The following NHS variants were observed in gnomAD, a reference collection of about 807,000 sequenced individuals.
NHS encodes the protein NHS actin remodeling regulator, also known as actin remodeling regulator NHS.
In NHS, 5 loss-of-function variants were observed where a neutral mutation model predicts 72.5. That is an observed-to-expected ratio of 0.07 (90% CI 0.04 to 0.14). The LOEUF is 0.14. NHS is among the 10% of genes least tolerant of loss of function. The probability of loss-of-function intolerance (pLI) is 1.00; values close to 1 mark genes in which losing one functional copy is unlikely to be tolerated. For synonymous variants in NHS, 464 were observed against 547.7 expected (o/e 0.85, Z 2.13); for missense variants, 1,072 against 1,355.7 (o/e 0.79, Z 3.29).
intron 1 of NHS, among the ~76,000 whole-genome samples, chrX:17,682,655 AC>A (rs756343934): frequency 1.8e-5 from 2 of 111,029 alleles, no homozygotes; most frequent in Non-Finnish European, 3.8e-5. Flanking sequence ...CTCAGCTGTC[AC>A]CTCCCCCTTC....
intron 3 of NHS, among the ~76,000 whole-genome samples, chrX:17,717,813 A>G (rs1265286122): frequency 8.9e-6 from 1 of 111,804 alleles, no homozygotes; most frequent in Non-Finnish European, 1.9e-5. Context: ...GAAAGAAGTA[A>G]ATTTTGAGCA....
intron 1 of NHS, among the ~76,000 whole-genome samples, chrX:17,519,273 T>A (rs965235360): frequency 8.9e-6 from 1 of 112,025 alleles, no homozygotes; most frequent in Non-Finnish European, 1.9e-5. Flanking sequence ...TTCCTTGACA[T>A]CTCGAGACCT....
chrX:17,527,343 G>C (rs907546308), intron 1 of NHS, among the ~76,000 whole-genome samples: 1 of 113,276 alleles, frequency 8.8e-6, no homozygotes, highest in African/African-American at 3.2e-5. Context: ...AGTGAAAAAG[G>C]CAGAGAGGGC....
chrX:17,566,612 G>A (rs66502455), intron 1 of NHS, among the ~76,000 whole-genome samples: 50,617 of 110,039 alleles, frequency 0.46, 9,467 homozygotes, highest in East Asian at 0.76. Context: ...GAGAGACCTT[G>A]GAATTCATTG....
intron 1 of NHS, among the ~76,000 whole-genome samples, chrX:17,588,298 G>A (rs1351193107): frequency 1.8e-5 from 2 of 111,577 alleles, no homozygotes; most frequent in Non-Finnish European, 3.8e-5. Flanking sequence ...TTGGGGAGAG[G>A]GTGCCTGGAA....
Position 17,728,101 on chromosome X carries a change from G to A in NHS, c.3995G>A (p.Arg1332Lys), listed in dbSNP as rs1285487790. 1.1e-5 allele frequency: 13 copies of A among 1,209,995 alleles called. No individual in the cohort carries two copies. Among genetic ancestry groups the A allele is most frequent in the Non-Finnish European group, 1.5e-5 (13 of 895,266 alleles). ...VITSQSDSPT[R>K]ATDVSNQFKH... Reference sequence around the variant, plus strand: ...ACATCTCAGTCAGACTCACCAACTAGAGCAACAGATGTAAGCAATCAATTT... The same window carrying A: ...ACATCTCAGTCAGACTCACCAACTAAAGCAACAGATGTAAGCAATCAATTT... The change falls in exon 7 of 9, where the codon AGA (arginine) becomes AAA (lysine). Residue 1332 changes from arginine to lysine, a missense_variant. By Grantham distance (26) the Arg-to-Lys change is conservative. Coordinates refer to ENST00000676302, the MANE Select transcript of NHS (RefSeq NM_001291867.2).
intron 1 of NHS, among the ~76,000 whole-genome samples, chrX:17,486,589 C>G (rs1339548094): frequency 9.0e-6 from 1 of 111,613 alleles, no homozygotes; most frequent in African/African-American, 3.3e-5. Flanking sequence ...ACAAGCCCCA[C>G]AGAACAAGCA....
chrX:17,604,733 G>A (rs2065670570), intron 1 of NHS, among the ~76,000 whole-genome samples: 1 of 112,374 alleles, frequency 8.9e-6, no homozygotes, highest in South Asian at 3.7e-4. Context: ...ATGCATGCAT[G>A]CATGAATGAA....
At chrX:17,682,655 A>G (rs2066136766) in intron 1 of NHS, among the ~76,000 whole-genome samples, 1 of 111,028 alleles carries the variant, frequency 9.0e-6, no homozygotes, top group Non-Finnish European at 1.9e-5. Context: ...CTCAGCTGTC[A>G]CCTCCCCCTT....
At chrX:17,716,560 G>A (rs1204430035) in intron 3 of NHS, among the ~76,000 whole-genome samples, 1 of 111,228 alleles carries the variant, frequency 9.0e-6, no homozygotes, top group Non-Finnish European at 1.9e-5. Context: ...AACCAGGTTA[G>A]TGTCTGAACT....
At chrX:17,490,218 G>A (rs2064984454) in intron 1 of NHS, among the ~76,000 whole-genome samples, 1 of 112,087 alleles carries the variant, frequency 8.9e-6, no homozygotes. Flanking sequence ...GTCCTGAATG[G>A]TATTGCCTAG....
chrX:17,616,807 T>C (rs1317259948), intron 1 of NHS, among the ~76,000 whole-genome samples: 1 of 112,677 alleles, frequency 8.9e-6, no homozygotes, highest in East Asian at 2.8e-4. Flanking sequence ...TTTGAATTAA[T>C]TAAAATTAAA....
intron 1 of NHS, among the ~76,000 whole-genome samples, chrX:17,378,137 G>T (rs1415303275): frequency 2.7e-5 from 3 of 110,179 alleles, no homozygotes; most frequent in Non-Finnish European, 3.8e-5. Context: ...CTCACTGCCA[G>T]AGCAGAATGT....
intron 1 of NHS, among the ~76,000 whole-genome samples, chrX:17,678,852 G>A (rs1023763791): frequency 9.0e-6 from 1 of 111,057 alleles, no homozygotes; most frequent in Admixed American, 9.5e-5. Context: ...AGCACTTGGA[G>A]TGACAGGGAT....
Position 17,731,943 on chromosome X carries a change from A to G in NHS, c.4435A>G (p.Ser1479Gly), listed in dbSNP as rs145346113. 2.5e-6 allele frequency: 3 copies of G among 1,209,946 alleles called. No individual in the cohort carries two copies. Among genetic ancestry groups the G allele is most frequent in the Non-Finnish European group, 2.2e-6 (2 of 895,258 alleles). The part of the protein sequence containing the change: ...KSRAPLSSSS[S>G]SASSITSPSS... The stretch of plus-strand genomic sequence containing the variant: ...GAGAGCTCCCCTCAGCAGTAGCAGC[A>G]GCAGCGCCAGTTCCATCACTTCACC... The change falls in exon 9 of 9, where the codon AGC (serine) becomes GGC (glycine). Residue 1479 changes from serine (S) to glycine (G), a missense_variant. Transcript: ENST00000676302.
In NHS at chrX:17,727,466, A is replaced by G. The variant is rs781297344; in HGVS notation, c.3360A>G (p.Gly1120=). 7 of 1,209,713 alleles carry G rather than the reference A, an allele frequency of 5.8e-6. No homozygotes were observed. Among genetic ancestry groups the G allele is most frequent in the Non-Finnish European group, 7.8e-6 (7 of 894,864 alleles). ...CTCATAATAAGCAGAACACAGTAGG[A>G]GAAACACTGAGGTCGAATCCTCCAC... ...VFTHNKQNTV[G]ETLRSNPPPS... Residue 1120 remains glycine, a synonymous_variant, in exon 7 of 9, where the codon GGA becomes GGG. Transcript: ENST00000676302.
At chrX:17,715,535 G>A (rs1485199924) in intron 3 of NHS, among the ~76,000 whole-genome samples, 1 of 112,669 alleles carries the variant, frequency 8.9e-6, no homozygotes, top group East Asian at 2.8e-4. Context: ...CCTTTGGATA[G>A]ATACCTGGTA....
intron 1 of NHS, among the ~76,000 whole-genome samples, chrX:17,507,131 C>T (rs2065062605): frequency 8.9e-6 from 1 of 112,547 alleles, no homozygotes; most frequent in African/African-American, 3.2e-5. Context: ...CTTGCTAAAG[C>T]AAACAATCCC....
At chrX:17,635,499 T>A in intron 1 of NHS, 2 of 1,167,781 alleles carry the variant, frequency 1.7e-6, no homozygotes, top group South Asian at 3.8e-5. Context: ...TTCAGCTCTC[T>A]GGCATTCAGA....
Sources: gnomAD v4.1 joint callset for allele counts (sites outside exome capture counted in the v4.1 genomes callset) on GRCh38, gnomAD v4.1.1 for gene constraint, MANE v1.5 for transcripts, NCBI Gene and HGNC (gene_info 2026-07-23, HGNC 2026-07-21) for gene names.